Variants in PHF13 observed in about 807,000 individuals in gnomAD.
The protein encoded by PHF13 is PHD finger protein 13, also known as PHD zinc finger protein PHF5.
Under a neutral mutation model 25.8 loss-of-function variants are expected in PHF13, and 1 was observed. The observed-to-expected ratio is 0.04, with a 90% confidence interval of 0.01 to 0.18. PHF13 has a LOEUF of 0.18. PHF13 is among the 10% of genes least tolerant of loss of function. The pLI is 1.00. For missense variants in PHF13, 306 were observed against 403.2 expected (o/e 0.76, Z 2.06); for synonymous variants, 195 against 162.4 (o/e 1.20, Z -1.53).
At chr1:6,615,133 G>A (rs1423046363) in intron 1 of PHF13, among the ~76,000 whole-genome samples, 1 of 151,612 alleles carries the variant, frequency 6.6e-6, no homozygotes, top group African/African-American at 2.4e-5. Context: ...AGGCGGCCGG[G>A]GGGGCGGGCG....
At position 6,622,573 on chromosome 1, in the gene PHF13, A is replaced by G. The variant is rs1311600336; in HGVS notation, c.*936A>G. ...ACTGGGACCCGCATGGTGTTCCTCC[A>G]AAGAATAGGGTAAAGGAGAGCTGGG... On this transcript the variant is annotated 3_prime_UTR_variant, in exon 4 of 4. Coordinates refer to ENST00000377648, the MANE Select transcript of PHF13 (RefSeq NM_153812.3). The G allele has an allele frequency of 6.6e-6, 1 of 152,328 alleles. No homozygotes were observed. Among genetic ancestry groups the G allele is most frequent in the Non-Finnish European group, 1.5e-5 (1 of 68,088 alleles). 9.4% of individuals were successfully genotyped at this position (152,328 alleles called of 1,614,324 possible). A position where few individuals can be genotyped will look rare whatever the true frequency, so the allele number is the denominator to read the frequency against.
At chr1:6,617,110 T>C (rs1015827415) in intron 2 of PHF13, among the ~76,000 whole-genome samples, 6 of 152,232 alleles carry the variant, frequency 3.9e-5, no homozygotes, top group Non-Finnish European at 7.3e-5. Context: ...TAGTAAACTT[T>C]CTTTTTTTTT....
chr1:6,620,930 G>A (rs1319216322), intron 3 of PHF13, among the ~76,000 whole-genome samples: 1 of 151,956 alleles, frequency 6.6e-6, no homozygotes, highest in Admixed American at 6.6e-5. Flanking sequence ...TACTCAGGAG[G>A]CTGAGGTAGG....
At position 6,614,123 on chromosome 1, in the gene PHF13, T is replaced by C. The variant is rs574836145; in HGVS notation, c.39+18T>C. The C allele has an allele frequency of 1.7e-5, 27 of 1,594,372 alleles. No homozygotes were observed. The highest frequency in any genetic ancestry group is 1.4e-4 in the African/African-American group (10 of 71,866). On this transcript the variant is annotated intron_variant, in intron 1 of 3. Transcript: ENST00000377648. Reference sequence around the variant, plus strand: ...ACCCGGAGGTGAGTGAAGCTGTGCGTCCGAATCGCCCCCGACCACCCCCTC... The same window carrying C: ...ACCCGGAGGTGAGTGAAGCTGTGCGCCCGAATCGCCCCCGACCACCCCCTC...
At chr1:6,616,025 ATT>A (rs5772244) in intron 1 of PHF13, among the ~76,000 whole-genome samples, 2 of 91,764 alleles carry the variant, frequency 2.2e-5, no homozygotes, top group African/African-American at 4.4e-5. Context: ...TGAGTGGTTG[ATT>A]TTTTTTTTTT....
chr1:6,620,797 A>C (rs1641326814), intron 3 of PHF13, among the ~76,000 whole-genome samples: 3 of 152,104 alleles, frequency 2.0e-5, no homozygotes, highest in Non-Finnish European at 4.4e-5. Context: ...AGGCAGGCAG[A>C]TCACGAGGTC....
rs1641209009 is a variant in PHF13 at position 6,613,918 on chromosome 1, G to C, written c.-149G>C. The C allele has an allele frequency of 1.8e-6, 1 of 549,672 alleles. No homozygotes were observed. Among genetic ancestry groups the C allele is most frequent in the Non-Finnish European group, 3.2e-6 (1 of 316,736 alleles). The allele number at this position is 549,672 out of a possible 1,614,324, so 34.0% of individuals were successfully genotyped here. A position where few individuals can be genotyped will look rare whatever the true frequency, so the allele number is the denominator to read the frequency against. ...GGTCACAGAGCTTGAGAAGCGACGC[G>C]CTGAGCCCCCCATCACCTCCAGCCC... On this transcript the variant is annotated 5_prime_UTR_variant, in exon 1 of 4. Transcript: ENST00000377648.
In PHF13 at chr1:6,622,965, AGTACTT is replaced by A. The variant is rs1182971702; in HGVS notation, c.*1331_*1336del. The A allele has an allele frequency of 6.6e-6, 1 of 152,266 alleles. No homozygotes were observed. Among genetic ancestry groups the A allele is most frequent in the Non-Finnish European group, 1.5e-5 (1 of 68,044 alleles). The allele number at this position is 152,266 out of a possible 1,614,324, so 9.4% of individuals were successfully genotyped here. On this transcript the variant is annotated 3_prime_UTR_variant, in exon 4 of 4. Coordinates refer to ENST00000377648, the MANE Select transcript of PHF13 (RefSeq NM_153812.3). ...ATGAACACTGCTCTTCAGCAGTTCA[AGTACTT>A]GTTCTCAAAACATTTTCTAATTGAT...
intron 2 of PHF13, 58 bp from the exon 3 acceptor site, chr1:6,619,745 C>A: frequency 6.6e-7 from 1 of 1,517,864 alleles, no homozygotes; most frequent in South Asian, 1.3e-5. Flanking sequence ...TGGGGATGCT[C>A]TGCTCTGGGC....
At position 6,614,088 on chromosome 1, in the gene PHF13, G is replaced by A. The variant is rs1250298679; in HGVS notation, c.22G>A (p.Ala8Thr). 4 of 1,593,372 alleles carry A rather than the reference G, an allele frequency of 2.5e-6. No individual in the cohort carries two copies. The highest frequency in any genetic ancestry group is 2.8e-5 in the African/African-American group (2 of 71,226). ...GAACATGGACTCTGACTCTTGCGCCGCCGCCTTCCACCCGGAGGTGAGTGA... is the reference window on the plus strand; with the variant it reads ...GAACATGGACTCTGACTCTTGCGCCACCGCCTTCCACCCGGAGGTGAGTGA... MDSDSCA[A>T]AFHPEEYSPS... The change falls in exon 1 of 4, where the codon GCC becomes ACC. Residue 8 changes from alanine (A) to threonine (T), a missense_variant. Around this residue, in one of 5 missense-constraint regions of PHF13, gnomAD observed 31 missense variants for 23.9 expected, o/e 1.30. Coordinates refer to ENST00000377648, the MANE Select transcript of PHF13 (RefSeq NM_153812.3).
rs1463172439 is a variant in PHF13 at position 6,623,585 on chromosome 1, A to G, written c.*1948A>G. On this transcript the variant is annotated 3_prime_UTR_variant, in exon 4 of 4. Coordinates refer to ENST00000377648, the MANE Select transcript of PHF13 (RefSeq NM_153812.3). ...TAGAATGGAACTGCCGGCCCTGGCA[A>G]CTGTCACGTGTGCTAGAAGGTTCGA... The G allele has an allele frequency of 6.5e-6, 1 of 152,674 alleles. No homozygotes were observed. The highest frequency in any genetic ancestry group is 1.5e-5 in the Non-Finnish European group (1 of 68,048). 9.5% of individuals were successfully genotyped at this position (152,674 alleles called of 1,614,324 possible).
At chr1:6,614,180 C>T in intron 1 of PHF13, 75 bp downstream of exon 1, 8 of 1,443,164 alleles carry the variant, frequency 5.5e-6, no homozygotes, top group Non-Finnish European at 7.6e-6. Context: ...CAGCCAGACC[C>T]CCGGTCGCCC....
rs552175201 is a variant in PHF13, at chr1:6,620,047, C to T, written c.386C>T (p.Ala129Val). 79 of 1,613,570 alleles carry T rather than the reference C, an allele frequency of 4.9e-5. No individual in the cohort carries two copies. The South Asian group carries it at 7.9e-4, about 16-fold the overall frequency. Residue 129 changes from alanine (A) to valine (V), a missense_variant, in exon 3 of 4, where the codon GCG (alanine) becomes GTG (valine). Physicochemically the swap from Ala to Val is moderately conservative, Grantham distance 64 (BLOSUM62 0). Transcript: ENST00000377648. ...AAGAGGAAGCGCAGGGACAGTGATG[C>T]GCCTGGGAAAGAGGGGTACAGGGGG... is the stretch of plus-strand genomic sequence containing the variant. The part of the protein sequence containing the change: ...KKKRKRRDSD[A>V]PGKEGYRGGL...
rs748783211 is a variant in PHF13 at position 6,620,026 on chromosome 1, G to A, written c.365G>A (p.Arg122Lys). 16 of 1,613,588 alleles carry A rather than the reference G, an allele frequency of 9.9e-6. No homozygotes were observed. ...GACAAGCTGAAGAAGAAGAAGAAGA[G>A]GAAGCGCAGGGACAGTGATGCGCCT... ...KTDKLKKKKK[R>K]KRRDSDAPGK... The change falls in exon 3 of 4, where the codon AGG (arginine) becomes AAG (lysine). Residue 122 changes from arginine (R) to lysine (K), a missense_variant. Physicochemically the swap from Arg to Lys is conservative, Grantham distance 26 (BLOSUM62 2). This residue lies in a region of PHF13 where 186 missense variants were observed against 164.0 expected (regional missense o/e 1.13). Coordinates refer to ENST00000377648, the MANE Select transcript of PHF13 (RefSeq NM_153812.3).
chr1:6,616,025 A>ATTTTTTTTTT (rs5772244), intron 1 of PHF13, among the ~76,000 whole-genome samples: 6 of 91,772 alleles, frequency 6.5e-5, no homozygotes, highest in Admixed American at 1.3e-4. Flanking sequence ...TGAGTGGTTG[A>ATTTTTTTTTT]TTTTTTTTTT....
Position 6,614,380 on chromosome 1 carries a change from G to T in PHF13, c.39+275G>T, listed in dbSNP as rs887916226. The T allele has an allele frequency of 1.4e-5, 6 of 424,886 alleles. No homozygotes were observed. In the East Asian group the frequency reaches 2.8e-4, roughly 20 times the overall value. 26.3% of individuals were successfully genotyped at this position (424,886 alleles called of 1,614,324 possible). Reference sequence around the variant, plus strand: ...TGCGCCTATTTCTCTCCCCCGGGCCGCCCCTCTCCGGCCTCGCGTCGACCT... The same window carrying T: ...TGCGCCTATTTCTCTCCCCCGGGCCTCCCCTCTCCGGCCTCGCGTCGACCT... On this transcript the variant is annotated intron_variant, in intron 1 of 3. Transcript: ENST00000377648.
Position 6,623,762 on chromosome 1 carries a change from T to C in PHF13, c.*2125T>C, listed in dbSNP as rs897534758. 4.6e-5 allele frequency: 7 copies of C among 152,774 alleles called. No individual in the cohort carries two copies. Among genetic ancestry groups the C allele is most frequent in the African/African-American group, 1.7e-4 (7 of 41,574 alleles). 9.5% of individuals were successfully genotyped at this position (152,774 alleles called of 1,614,324 possible). A position where few individuals can be genotyped will look rare whatever the true frequency, so the allele number is the denominator to read the frequency against. On this transcript the variant is annotated 3_prime_UTR_variant, in exon 4 of 4. Transcript: ENST00000377648. ...GAGCTGGGCAGCTGCAATCAGCTTC[T>C]TTATATGCAAATTAGGCACGACCCA... is the stretch of plus-strand genomic sequence containing the variant.
intron 2 of PHF13, among the ~76,000 whole-genome samples, chr1:6,617,795 C>T (rs1318743615): frequency 1.3e-5 from 2 of 152,124 alleles, no homozygotes; most frequent in East Asian, 1.9e-4. Flanking sequence ...CTATTCTTGG[C>T]CTATGTAATG....
rs1408992541 is a variant in PHF13, at chr1:6,613,817, T to A, written c.-250T>A. 1.2e-5 allele frequency: 2 copies of A among 172,290 alleles called. No individual in the cohort carries two copies. The highest frequency in any genetic ancestry group is 2.2e-5 in the Non-Finnish European group (2 of 89,064). The allele number at this position is 172,290 out of a possible 1,614,324, so 10.7% of individuals were successfully genotyped here. A position where few individuals can be genotyped will look rare whatever the true frequency, so the allele number is the denominator to read the frequency against. Reference sequence around the variant, plus strand: ...GCTCACCGCCGCCGCCGCCGCCCCCTGCAGCCACTCTCCCGCCTCTACCGC... The same window carrying A: ...GCTCACCGCCGCCGCCGCCGCCCCCAGCAGCCACTCTCCCGCCTCTACCGC... On this transcript the variant is annotated 5_prime_UTR_variant, in exon 1 of 4. Transcript: ENST00000377648.
Sources: allele counts gnomAD v4.1 joint callset (sites outside exome capture counted in the v4.1 genomes callset), GRCh38; gene constraint gnomAD v4.1.1; regional missense constraint gnomAD v4.1.1; transcripts MANE v1.5; gene names NCBI Gene and HGNC (gene_info 2026-07-23, HGNC 2026-07-21).